NDST3: variants seen among roughly 807,000 people sequenced by gnomAD.
NDST3 encodes the protein bifunctional heparan sulfate N-deacetylase/N-sulfotransferase 3.
Under a neutral mutation model 96.1 loss-of-function variants are expected in NDST3, and 58 were observed. The ratio of observed to expected loss-of-function variants is 0.60; its 90% confidence interval spans 0.49 to 0.75. The LOEUF is 0.75. Ranked by LOEUF, NDST3 falls within the 30% of genes least tolerant of loss-of-function variation. The probability of loss-of-function intolerance (pLI) is 0.00; values close to 1 mark genes in which losing one functional copy is unlikely to be tolerated. For synonymous variants in NDST3, 333 were observed against 359.7 expected, an observed-to-expected ratio of 0.93 and a Z score of 0.84; for missense variants, 788 against 1,034.2, an observed-to-expected ratio of 0.76 and a Z score of 3.27.
intron 12 of NDST3, among the ~76,000 whole-genome samples, chr4:118,246,603 T>C (rs1200663668): frequency 6.6e-6 from 1 of 151,176 alleles, no homozygotes; most frequent in African/African-American, 2.4e-5. Context: ...CGAAACTCCA[T>C]CAAAAAAAAG....
intron 6 of NDST3, chr4:118,194,391 T>A (rs1737526599): frequency 2.7e-6 from 2 of 732,724 alleles, no homozygotes; most frequent in African/African-American, 3.4e-5. Flanking sequence ...ATTGGGGAGA[T>A]CTTTGGAGGA....
At chr4:118,236,996 G>C in intron 9 of NDST3, 50 bp from the exon 10 acceptor site, 1 of 1,378,424 alleles carries the variant, frequency 7.3e-7, no homozygotes, top group South Asian at 1.6e-5. Flanking sequence ...TTGGTCACCA[G>C]AATGAGTATA....
chr4:118,110,302 C>T lies in NDST3; in HGVS notation c.1070-4504C>T, dbSNP rs546114352. Among the ~76,000 whole-genome samples the T allele has an allele frequency of 9.9e-5, 15 of 152,232 alleles. No homozygotes were observed. In the South Asian group the frequency reaches 2.9e-3, roughly 29 times the overall value. ...ATGCTGATCTTATTTCTAGACTCAA[C>T]GTTTGGCCAGTGAATGATAGTTAAG... On this transcript the variant is annotated intron_variant, in intron 3 of 13. Coordinates refer to ENST00000296499, the MANE Select transcript of NDST3 (RefSeq NM_004784.3).
chr4:118,094,193 C>T (rs1452976652), intron 2 of NDST3, among the ~76,000 whole-genome samples: 1 of 151,856 alleles, frequency 6.6e-6, no homozygotes, highest in Non-Finnish European at 1.5e-5. Flanking sequence ...TTCCTAACAG[C>T]TGTTCTGATC....
intron 2 of NDST3, among the ~76,000 whole-genome samples, chr4:118,081,926 G>A (rs994284132): frequency 2.0e-5 from 3 of 152,146 alleles, no homozygotes; most frequent in Non-Finnish European, 4.4e-5. Context: ...GGTGAATCTA[G>A]TACCAATGCT....
chr4:118,136,352 G>A lies in NDST3; in HGVS notation c.1225-1702G>A, dbSNP rs115391448. Among the ~76,000 whole-genome samples the A allele has an allele frequency of 5.5e-3, 842 of 152,238 alleles. 9 individuals are homozygous for A. The highest frequency in any genetic ancestry group is 0.019 in the African/African-American group (809 of 41,546). On this transcript the variant is annotated intron_variant, in intron 4 of 13. Transcript: ENST00000296499. ...GTTAACCTATAATTCATTTTTTAAT[G>A]TTTGTGATATGAATTCATTTTTCTT...
At chr4:118,206,438 G>A (rs1175208162) in intron 6 of NDST3, among the ~76,000 whole-genome samples, 2 of 144,336 alleles carry the variant, frequency 1.4e-5, no homozygotes, top group Admixed American at 6.8e-5. Context: ...TCTGTACAGA[G>A]GAAACTGTTT....
intron 2 of NDST3, among the ~76,000 whole-genome samples, chr4:118,089,338 T>C (rs1471400104): frequency 6.6e-6 from 1 of 151,912 alleles, no homozygotes; most frequent in Non-Finnish European, 1.5e-5. Context: ...TTTGAAGTTA[T>C]CTTTGTAAAG....
At chr4:118,186,030 T>C (rs943147819) in intron 6 of NDST3, among the ~76,000 whole-genome samples, 3 of 152,168 alleles carry the variant, frequency 2.0e-5, no homozygotes, top group Non-Finnish European at 2.9e-5. Context: ...TTTTATAAAG[T>C]AGAAACAAGC....
At chr4:118,098,500 C>T (rs1373323727) in intron 2 of NDST3, among the ~76,000 whole-genome samples, 1 of 151,998 alleles carries the variant, frequency 6.6e-6, no homozygotes, top group African/African-American at 2.4e-5. Flanking sequence ...ATAGTTTTCT[C>T]TTTTCCCCAC....
At chr4:118,237,476 A>G (rs1255777837) in intron 10 of NDST3, among the ~76,000 whole-genome samples, 1 of 152,202 alleles carries the variant, frequency 6.6e-6, no homozygotes, top group African/African-American at 2.4e-5. Flanking sequence ...AAATTAAAAT[A>G]TAACAAAATA....
chr4:118,190,152 A>G (rs1390340084), intron 6 of NDST3, among the ~76,000 whole-genome samples: 4 of 152,082 alleles, frequency 2.6e-5, no homozygotes, highest in African/African-American at 7.2e-5. Flanking sequence ...AATTATATAT[A>G]AACTCTAATT....
chr4:118,185,262 A>G (rs755211879), intron 6 of NDST3, among the ~76,000 whole-genome samples: 3 of 152,028 alleles, frequency 2.0e-5, no homozygotes, highest in Non-Finnish European at 4.4e-5. Flanking sequence ...TGCTGTGTGT[A>G]TATACAAACT....
At chr4:118,171,046 G>A (rs900142768) in intron 6 of NDST3, among the ~76,000 whole-genome samples, 1 of 152,138 alleles carries the variant, frequency 6.6e-6, no homozygotes, top group Non-Finnish European at 1.5e-5. Flanking sequence ...CCCCATGAGT[G>A]TGCTTGGGGT....
chr4:118,212,689 A>G (rs1237763725), intron 6 of NDST3, among the ~76,000 whole-genome samples: 1 of 152,190 alleles, frequency 6.6e-6, no homozygotes, highest in East Asian at 1.9e-4. Context: ...GACATTTTTT[A>G]AAAAAGGATG....
At chr4:118,040,897 A>T (rs13134931) in intron 1 of NDST3, among the ~76,000 whole-genome samples, 1 of 144,788 alleles carries the variant, frequency 6.9e-6, no homozygotes, top group African/African-American at 2.5e-5. Flanking sequence ...ATATATATAT[A>T]TTTATATATA....
In NDST3 at chr4:118,256,675, C is replaced by G. The variant is rs1450028226; in HGVS notation, c.*963C>G. The G allele has an allele frequency of 6.6e-6, 1 of 152,140 alleles. No homozygotes were observed. Among genetic ancestry groups the G allele is most frequent in the East Asian group, 1.9e-4 (1 of 5,196 alleles). 9.4% of individuals were successfully genotyped at this position (152,140 alleles called of 1,614,324 possible). A position where few individuals can be genotyped will look rare whatever the true frequency, so the allele number is the denominator to read the frequency against. ...CAGGTTGACTTTTAAATGTGAATAG[C>G]TATTTTTAATGCTCCCCAAAACAAA... On this transcript the variant is annotated 3_prime_UTR_variant, in exon 14 of 14. Transcript: ENST00000296499.
intron 3 of NDST3, among the ~76,000 whole-genome samples, chr4:118,107,091 A>C (rs948468607): frequency 2.1e-5 from 3 of 145,244 alleles, no homozygotes; most frequent in African/African-American, 7.5e-5. Context: ...CTCCATCTCA[A>C]AATAATAATA....
intron 6 of NDST3, among the ~76,000 whole-genome samples, chr4:118,199,472 C>A (rs1310389461): frequency 6.6e-6 from 1 of 152,124 alleles, no homozygotes; most frequent in African/African-American, 2.4e-5. Flanking sequence ...TCTGTGTTAT[C>A]TTGAATTTCT....
Sources: allele counts gnomAD v4.1 joint callset (sites outside exome capture counted in the v4.1 genomes callset), GRCh38; gene constraint gnomAD v4.1.1; transcripts MANE v1.5; gene names NCBI Gene and HGNC (gene_info 2026-07-23, HGNC 2026-07-21).